Variants in NXPE2 observed in about 807,000 individuals in gnomAD.
NXPE2 encodes the protein NXPE family member 2.
NXPE2 carries 34 observed loss-of-function variants against 34.4 expected under a neutral mutation model. The observed-to-expected ratio is 0.99, with a 90% CI of 0.75 to 1.31. The LOEUF (loss-of-function observed/expected upper bound fraction) is 1.31, where lower values mean the gene tolerates loss of function less well. Ranked by LOEUF, NXPE2 falls within the 40% of genes most tolerant of loss-of-function variation. NXPE2 has a pLI of 0.00. For missense variants in NXPE2, 649 were observed against 672.5 expected (o/e 0.97, Z 0.39); for synonymous variants, 235 against 231.3 (o/e 1.02, Z -0.15).
chr11:114,739,333 TTC>T, the NXPE2 span, among the ~76,000 whole-genome samples: 30 of 60,370 alleles, frequency 5.0e-4, no homozygotes, highest in African/African-American at 1.5e-3. Flanking sequence ...CCTTCCTTCC[TTC>T]CTTCCCCCCT....
chr11:114,492,101 T>TATAC, the NXPE2 span, among the ~76,000 whole-genome samples: 4 of 152,122 alleles, frequency 2.6e-5, no homozygotes, highest in Non-Finnish European at 4.4e-5. Context: ...ATGGCACATG[T>TATAC]ATACATATGT....
chr11:114,736,198 A>G, the NXPE2 span, among the ~76,000 whole-genome samples: 1 of 152,230 alleles, frequency 6.6e-6, no homozygotes, highest in African/African-American at 2.4e-5. Flanking sequence ...AATTGATAAC[A>G]TCTTATCAGG....
the NXPE2 span, among the ~76,000 whole-genome samples, chr11:114,566,293 G>T: frequency 6.6e-6 from 1 of 152,118 alleles, no homozygotes; most frequent in East Asian, 1.9e-4. Context: ...GCATAGGAAT[G>T]AACCCCAGGG....
At chr11:114,536,454 GA>G in the NXPE2 span, among the ~76,000 whole-genome samples, 1 of 152,128 alleles carries the variant, frequency 6.6e-6, no homozygotes, top group Non-Finnish European at 1.5e-5. Context: ...GAAGGAAATA[GA>G]GACAAAAAAC....
chr11:114,598,008 C>T, the NXPE2 span, among the ~76,000 whole-genome samples: 1 of 152,070 alleles, frequency 6.6e-6, no homozygotes, highest in African/African-American at 2.4e-5. Context: ...AAGTCCCTTC[C>T]ACCTATGAGC....
At chr11:114,562,647 G>C in the NXPE2 span, among the ~76,000 whole-genome samples, 1 of 152,084 alleles carries the variant, frequency 6.6e-6, no homozygotes, top group Non-Finnish European at 1.5e-5. Flanking sequence ...TTACTATCCA[G>C]AGTCAAGTTG....
chr11:114,732,386 C>G, the NXPE2 span, among the ~76,000 whole-genome samples: 6 of 152,330 alleles, frequency 3.9e-5, no homozygotes, highest in African/African-American at 1.4e-4. Context: ...ACTTTTGCAA[C>G]TGCATTTCTG....
At chr11:114,603,428 C>T in the NXPE2 span, among the ~76,000 whole-genome samples, 2 of 151,360 alleles carry the variant, frequency 1.3e-5, no homozygotes, top group Admixed American at 6.6e-5. Context: ...TAAGTATTGC[C>T]TCGTCTCCTA....
chr11:114,643,801 A>C, the NXPE2 span, among the ~76,000 whole-genome samples: 1 of 152,290 alleles, frequency 6.6e-6, no homozygotes, highest in East Asian at 1.9e-4. Context: ...TCTGTGAAGA[A>C]AGTCTGTGGT....
At chr11:114,626,818 G>T in the NXPE2 span, among the ~76,000 whole-genome samples, 3 of 152,236 alleles carry the variant, frequency 2.0e-5, no homozygotes, top group African/African-American at 7.2e-5. Context: ...ACACAGAAGT[G>T]CTTAAAGGAG....
the NXPE2 span, among the ~76,000 whole-genome samples, chr11:114,801,116 T>C: frequency 6.6e-6 from 1 of 152,186 alleles, no homozygotes; most frequent in Non-Finnish European, 1.5e-5. Flanking sequence ...AGGTTAACAG[T>C]AGTGAAAACA....
the NXPE2 span, among the ~76,000 whole-genome samples, chr11:114,645,648 T>C: frequency 2.0e-5 from 3 of 152,088 alleles, no homozygotes; most frequent in South Asian, 6.2e-4. Context: ...TGTCCAAAGT[T>C]AGCAAAGAAC....
chr11:114,654,943 T>A, the NXPE2 span, among the ~76,000 whole-genome samples: 1 of 152,196 alleles, frequency 6.6e-6, no homozygotes, highest in Non-Finnish European at 1.5e-5. Flanking sequence ...ACCAACAGTG[T>A]AAAAGCATTC....
At chr11:114,555,417 G>C in the NXPE2 span, among the ~76,000 whole-genome samples, 1 of 152,108 alleles carries the variant, frequency 6.6e-6, no homozygotes, top group East Asian at 1.9e-4. Context: ...AGTAGAGACA[G>C]AGTCTCACCA....
chr11:114,659,110 A>G, the NXPE2 span, among the ~76,000 whole-genome samples: 2 of 152,338 alleles, frequency 1.3e-5, no homozygotes, highest in Non-Finnish European at 1.5e-5. Flanking sequence ...GATTGAGTCA[A>G]TGCTCCTCCC....
the NXPE2 span, among the ~76,000 whole-genome samples, chr11:114,653,945 T>G: frequency 6.6e-6 from 1 of 152,062 alleles, no homozygotes; most frequent in African/African-American, 2.4e-5. Context: ...TCTTGAAACA[T>G]GAGTTCCAGT....
At chr11:114,799,830 G>A in the NXPE2 span, among the ~76,000 whole-genome samples, 104 of 152,234 alleles carry the variant, frequency 6.8e-4, no homozygotes, top group African/African-American at 2.1e-3. Flanking sequence ...TCTCATGACC[G>A]GCGGTGTTAA....
At chr11:114,561,808 A>T in the NXPE2 span, among the ~76,000 whole-genome samples, 1 of 152,166 alleles carries the variant, frequency 6.6e-6, no homozygotes, top group Non-Finnish European at 1.5e-5. Flanking sequence ...ATTAGACCTG[A>T]GATCTAATAT....
chr11:114,734,293 A>G, the NXPE2 span, among the ~76,000 whole-genome samples: 1 of 152,224 alleles, frequency 6.6e-6, no homozygotes, highest in Non-Finnish European at 1.5e-5. Flanking sequence ...TAAATTTGGC[A>G]TAGTAAATTC....
Sources: allele counts gnomAD v4.1 joint callset (sites outside exome capture counted in the v4.1 genomes callset), GRCh38; gene constraint gnomAD v4.1.1; transcripts MANE v1.5; gene names NCBI Gene and HGNC (gene_info 2026-07-23, HGNC 2026-07-21).